The following HLCS variants were observed in gnomAD, a reference collection of about 807,000 sequenced individuals.
The protein encoded by HLCS is holocarboxylase synthetase.
In HLCS, 53 loss-of-function variants were observed where a neutral mutation model predicts 75.0. The ratio of observed to expected loss-of-function variants is 0.71; its 90% CI spans 0.57 to 0.89. HLCS has a LOEUF of 0.89. HLCS is among the 40% of genes least tolerant of loss of function. The probability of loss-of-function intolerance (pLI) is 0.00; values close to 1 mark genes in which losing one functional copy is unlikely to be tolerated. For synonymous variants in HLCS, 431 were observed against 428.6 expected (o/e 1.01, Z -0.07); for missense variants, 966 against 1,074.0 (o/e 0.90, Z 1.41).
At chr21:36,909,940 T>G (rs1239026397) in intron 5 of HLCS, among the ~76,000 whole-genome samples, 1 of 152,214 alleles carries the variant, frequency 6.6e-6, no homozygotes. Flanking sequence ...TTTGCCTCAT[T>G]GCAAATAATA....
At chr21:36,810,739 TA>T (rs1317944691) in intron 6 of HLCS, among the ~76,000 whole-genome samples, 1 of 152,200 alleles carries the variant, frequency 6.6e-6, no homozygotes, top group African/African-American at 2.4e-5. Context: ...CATTCCCCAC[TA>T]AAAGGAACCA....
intron 6 of HLCS, among the ~76,000 whole-genome samples, chr21:36,832,782 C>T (rs146362909): frequency 5.3e-5 from 8 of 152,282 alleles, no homozygotes; most frequent in African/African-American, 1.9e-4. Flanking sequence ...ATTCAAGAGT[C>T]AGTAAAATGT....
At chr21:36,761,809 C>T (rs2089855273) in intron 8 of HLCS, among the ~76,000 whole-genome samples, 2 of 152,202 alleles carry the variant, frequency 1.3e-5, no homozygotes, top group African/African-American at 4.8e-5. Flanking sequence ...CCCCTGTGCC[C>T]ACCACATGGC....
At position 36,764,885 on chromosome 21, in the gene HLCS, TG is replaced by T. The variant is rs1312765171; in HGVS notation, c.2121+126del. ...TCTGAAAACTCCGAGAGCACTTTGC[TG>T]CCAGCTGTGCAAAGGGTAGGCTGAG... On this transcript the variant is annotated intron_variant, in intron 8 of 10. Coordinates refer to ENST00000674895, the MANE Select transcript of HLCS (RefSeq NM_001352514.2). 5.9e-6 allele frequency: 6 copies of T among 1,016,856 alleles called. No homozygotes were observed. The South Asian group carries it at 7.8e-5, about 13-fold the overall frequency. The allele number at this position is 1,016,856 out of a possible 1,614,324, so 63.0% of individuals were successfully genotyped here.
chr21:36,787,999 T>G (rs968504788), intron 6 of HLCS, among the ~76,000 whole-genome samples: 3 of 152,192 alleles, frequency 2.0e-5, no homozygotes, highest in African/African-American at 7.2e-5. Context: ...CTGGGTTGAC[T>G]TGAGTCTGAT....
chr21:36,940,938 G>A (rs770206484), intron 2 of HLCS, among the ~76,000 whole-genome samples: 1 of 152,160 alleles, frequency 6.6e-6, no homozygotes, highest in Non-Finnish European at 1.5e-5. Flanking sequence ...TGGGCTGGGC[G>A]CGGTGGTTCA....
Position 36,897,203 on chromosome 21 carries a change from A to G in HLCS, c.1621-72T>C, listed in dbSNP as rs906039592. The G allele has an allele frequency of 7.5e-5, 115 of 1,532,626 alleles. No individual in the cohort carries two copies. In the African/African-American group the frequency reaches 1.3e-3, roughly 17 times the overall value. The allele number at this position is 1,532,626 out of a possible 1,614,324, so 94.9% of individuals were successfully genotyped here. A position where few individuals can be genotyped will look rare whatever the true frequency, so the allele number is the denominator to read the frequency against. The stretch of plus-strand genomic sequence containing the variant: ...TTAGATCATGGTAGCTTTTCCTTAT[A>G]ATGCCATTTTGGTAATATGAGTACT... On this transcript the variant is annotated intron_variant, in intron 5 of 10. Transcript: ENST00000674895.
chr21:36,921,430 G>A (rs1300700681), intron 5 of HLCS, among the ~76,000 whole-genome samples: 1 of 152,204 alleles, frequency 6.6e-6, no homozygotes, highest in East Asian at 1.9e-4. Context: ...GGGTAAGAGT[G>A]AGACTCTGTC....
At chr21:36,863,765 T>C (rs1369996245) in intron 6 of HLCS, among the ~76,000 whole-genome samples, 1 of 152,180 alleles carries the variant, frequency 6.6e-6, no homozygotes, top group Non-Finnish European at 1.5e-5. Flanking sequence ...CTTGGCAAAG[T>C]TCCGCTGCTC....
chr21:36,971,255 G>C (rs952541301), upstream of HLCS, among the ~76,000 whole-genome samples: 4 of 152,116 alleles, frequency 2.6e-5, no homozygotes, highest in Admixed American at 2.6e-4. Context: ...CTTTCACTGA[G>C]ATGGCCTCAG....
chr21:36,858,636 A>T (rs2063280214), intron 6 of HLCS, among the ~76,000 whole-genome samples: 1 of 152,230 alleles, frequency 6.6e-6, no homozygotes, highest in African/African-American at 2.4e-5. Context: ...GCAGTACATC[A>T]AGGGCTGAGG....
At chr21:36,777,182 A>G (rs1031360722) in intron 6 of HLCS, among the ~76,000 whole-genome samples, 1 of 152,168 alleles carries the variant, frequency 6.6e-6, no homozygotes, top group Non-Finnish European at 1.5e-5. Context: ...TGTGGCCACC[A>G]TGTCAGCATT....
intron 6 of HLCS, among the ~76,000 whole-genome samples, chr21:36,803,506 G>A (rs965756222): frequency 3.3e-5 from 5 of 152,206 alleles, no homozygotes; most frequent in Non-Finnish European, 5.9e-5. Flanking sequence ...TTATGCCCAC[G>A]AGGCGCACAG....
chr21:36,871,819 A>C (rs998095178), intron 6 of HLCS, among the ~76,000 whole-genome samples: 2 of 152,366 alleles, frequency 1.3e-5, no homozygotes, highest in East Asian at 3.9e-4. Context: ...CAAAATGGGC[A>C]AAAGATTTGA....
At chr21:36,838,149 C>T in intron 6 of HLCS, among the ~76,000 whole-genome samples, 1 of 152,092 alleles carries the variant, frequency 6.6e-6, no homozygotes, top group East Asian at 1.9e-4. Flanking sequence ...ATTCTGAGCT[C>T]ACCTGGAGCC....
chr21:36,940,974 G>T (rs1038705572), intron 2 of HLCS, among the ~76,000 whole-genome samples: 1 of 152,198 alleles, frequency 6.6e-6, no homozygotes, highest in African/African-American at 2.4e-5. Flanking sequence ...CATTTTGGGA[G>T]GCCAAGGTGG....
At chr21:36,935,476 G>C (rs139381638) in intron 4 of HLCS, among the ~76,000 whole-genome samples, 261 of 152,134 alleles carry the variant, frequency 1.7e-3, no homozygotes, top group African/African-American at 6.0e-3. Flanking sequence ...AAAAGACAAG[G>C]CATTACAAAA....
chr21:36,789,641 A>G (rs941569831), intron 6 of HLCS, among the ~76,000 whole-genome samples: 2 of 152,234 alleles, frequency 1.3e-5, no homozygotes, highest in African/African-American at 4.8e-5. Flanking sequence ...TATGAGAGTA[A>G]TCCCGACAGT....
intron 6 of HLCS, among the ~76,000 whole-genome samples, chr21:36,885,507 C>CAAA (rs932826438): frequency 1.1e-5 from 1 of 91,636 alleles, no homozygotes; most frequent in Non-Finnish European, 2.3e-5. Flanking sequence ...GATCCTGTCT[C>CAAA]AAAAAAAAAA....
Sources: allele counts gnomAD v4.1 joint callset (sites outside exome capture counted in the v4.1 genomes callset), GRCh38; gene constraint gnomAD v4.1.1; transcripts MANE v1.5; gene names NCBI Gene and HGNC (gene_info 2026-07-23, HGNC 2026-07-21).